The following BABAM2 variants were observed in gnomAD, a reference collection of about 807,000 sequenced individuals.
The protein encoded by BABAM2 is BRISC and BRCA1 A complex member 2, also known as BRISC and BRCA1-A complex member 2.
In BABAM2, 31 loss-of-function variants were observed where a neutral mutation model predicts 54.7. That is an observed-to-expected ratio of 0.57 (90% CI 0.43 to 0.77). BABAM2 has a LOEUF of 0.77. BABAM2 is among the 30% of genes least tolerant of loss of function. BABAM2 has a pLI of 0.00. For synonymous variants in BABAM2, 167 were observed against 162.9 expected, an observed-to-expected ratio of 1.03 and a Z score of -0.19; for missense variants, 364 against 455.8, an observed-to-expected ratio of 0.80 and a Z score of 1.83.
At chr2:27,924,507 C>T (rs150645046) in intron 2 of BABAM2, among the ~76,000 whole-genome samples, 1,814 of 152,196 alleles carry the variant, frequency 0.012, 12 homozygotes, top group Admixed American at 0.018. Context: ...TCCTCAGCCT[C>T]CCTAGTAGCT....
At chr2:27,934,272 T>C (rs927424043) in intron 3 of BABAM2, among the ~76,000 whole-genome samples, 1 of 152,210 alleles carries the variant, frequency 6.6e-6, no homozygotes, top group Non-Finnish European at 1.5e-5. Flanking sequence ...ACATACTTTT[T>C]CATTATTATT....
chr2:27,903,093 A>T (rs575331519), intron 2 of BABAM2, among the ~76,000 whole-genome samples: 1 of 115,174 alleles, frequency 8.7e-6, no homozygotes, highest in Non-Finnish European at 1.8e-5. Context: ...TGTCTCCCCC[A>T]CCCCCCCCAC....
At chr2:28,100,229 G>GA in intron 6 of BABAM2, among the ~76,000 whole-genome samples, 1 of 151,996 alleles carries the variant, frequency 6.6e-6, no homozygotes, top group Admixed American at 6.5e-5. Context: ...GGCGGGTGGG[G>GA]ATGCCAATCA....
chr2:27,963,599 G>A (rs964171455), intron 3 of BABAM2, among the ~76,000 whole-genome samples: 6 of 151,590 alleles, frequency 4.0e-5, no homozygotes, highest in African/African-American at 7.3e-5. Context: ...TTACATAGAA[G>A]CAAGTTATAC....
At chr2:28,112,148 TAC>T (rs1447951092) in intron 6 of BABAM2, among the ~76,000 whole-genome samples, 35,683 of 41,404 alleles carry the variant, frequency 0.86, 15,793 homozygotes, top group East Asian at 0.92. Context: ...TTTCTTTCTT[TAC>T]CTCCCTCCCT....
chr2:27,997,596 A>G (rs555962959), intron 4 of BABAM2, among the ~76,000 whole-genome samples: 241 of 152,326 alleles, frequency 1.6e-3, no homozygotes, highest in Non-Finnish European at 2.4e-3. Context: ...TACACATATA[A>G]TTTGAAAGCA....
rs1311848182 is a variant in BABAM2 at position 27,903,067 on chromosome 2, A to T, written c.128+8383A>T. On this transcript the variant is annotated intron_variant, in intron 2 of 11. Coordinates refer to ENST00000379624, the MANE Select transcript of BABAM2 (RefSeq NM_199191.3). ...GGAATTTATTTTTTCTGTAATATGG[A>T]GTGAGATAGAGATATTGTCTCCCCC... is the stretch of plus-strand genomic sequence containing the variant. Among the ~76,000 whole-genome samples, 5 of 151,998 alleles carry T rather than the reference A, an allele frequency of 3.3e-5. No individual in the cohort carries two copies. The East Asian group carries it at 9.7e-4, about 29-fold the overall frequency.
intron 2 of BABAM2, among the ~76,000 whole-genome samples, chr2:27,920,277 G>A (rs1285261134): frequency 6.6e-6 from 1 of 152,112 alleles, no homozygotes; most frequent in Middle Eastern, 3.2e-3. Context: ...TATAATTATA[G>A]CCCTTTCAAG....
upstream of BABAM2, chr2:27,890,417 C>T (rs1009188924): frequency 1.4e-6 from 2 of 1,434,502 alleles, no homozygotes; most frequent in African/African-American, 2.8e-5. The surrounding 1 kb of genome is among the most constrained non-coding windows in gnomAD (Gnocchi z 4.8). Flanking sequence ...CCAGAGACGC[C>T]ACTCCTGCCC....
intron 3 of BABAM2, among the ~76,000 whole-genome samples, chr2:27,943,022 C>T (rs1669041036): frequency 6.6e-6 from 1 of 151,936 alleles, no homozygotes; most frequent in Non-Finnish European, 1.5e-5. Context: ...AACTTCTGGG[C>T]TCAAGCTATC....
rs192995993 is a variant in BABAM2, at chr2:28,094,894, G to T, written c.571-34377G>T. 1.4e-3 allele frequency among the ~76,000 whole-genome samples: 207 copies of T among 144,454 alleles called. 2 individuals carry two copies. Among genetic ancestry groups the T allele is most frequent in the African/African-American group, 4.6e-3 (179 of 38,808 alleles). The allele number at this position is 144,454 out of a possible 152,430, so 94.8% of individuals were successfully genotyped here. On this transcript the variant is annotated intron_variant, in intron 6 of 11. Transcript: ENST00000379624. ...CTTGGCAATCTTTTCATACCACTAC[G>T]TAGCTCCCTCTTCTTTTTTTTTTTT...
intron 7 of BABAM2, among the ~76,000 whole-genome samples, chr2:28,144,926 T>C (rs983886296): frequency 6.6e-6 from 1 of 152,204 alleles, no homozygotes; most frequent in Non-Finnish European, 1.5e-5. Context: ...ACTAGTTCCT[T>C]GGAGGGGGCT....
chr2:28,184,157 C>A (rs1183035415), intron 7 of BABAM2, among the ~76,000 whole-genome samples: 1 of 151,868 alleles, frequency 6.6e-6, no homozygotes, highest in South Asian at 2.1e-4. Flanking sequence ...GATCCAGGAC[C>A]ATTGTGGCAT....
intron 3 of BABAM2, among the ~76,000 whole-genome samples, chr2:27,951,385 G>T (rs575390790): frequency 1.3e-5 from 2 of 151,502 alleles, no homozygotes; most frequent in Non-Finnish European, 2.9e-5. Flanking sequence ...GATTTTTTTT[G>T]ACCTATGAGT....
At chr2:27,921,185 T>A (rs988238244) in intron 2 of BABAM2, among the ~76,000 whole-genome samples, 1 of 152,120 alleles carries the variant, frequency 6.6e-6, no homozygotes, top group African/African-American at 2.4e-5. Flanking sequence ...CATTGTAGAG[T>A]CTGTGTCAAG....
At chr2:28,099,986 G>T (rs534276298) in intron 6 of BABAM2, among the ~76,000 whole-genome samples, 12 of 151,960 alleles carry the variant, frequency 7.9e-5, no homozygotes, top group African/African-American at 2.7e-4. Context: ...GAATTTTTCT[G>T]TCTTTTGTGT....
chr2:28,326,012 C>T (rs978850173), intron 11 of BABAM2, among the ~76,000 whole-genome samples: 5 of 152,240 alleles, frequency 3.3e-5, no homozygotes, highest in Non-Finnish European at 7.3e-5. Context: ...GATGCCTGAC[C>T]ATGCTGCGCA....
At chr2:28,199,633 AAGAGTTC>A (rs1381961857) in intron 7 of BABAM2, among the ~76,000 whole-genome samples, 5 of 152,176 alleles carry the variant, frequency 3.3e-5, no homozygotes, top group Admixed American at 3.3e-4. Flanking sequence ...AAGGCTGAAG[AAGAGTTC>A]AGGAGTCGTG....
chr2:28,242,958 T>G (rs976686025), intron 9 of BABAM2, among the ~76,000 whole-genome samples: 7 of 152,162 alleles, frequency 4.6e-5, no homozygotes, highest in Admixed American at 1.3e-4. Flanking sequence ...ATCTTTAGTA[T>G]ATATAATTAA....
Sources: gnomAD v4.1 joint callset for allele counts (sites outside exome capture counted in the v4.1 genomes callset) on GRCh38, gnomAD v4.1.1 for gene constraint, Gnocchi (gnomAD v3.1) non-coding constraint, MANE v1.5 for transcripts, NCBI Gene and HGNC (gene_info 2026-07-23, HGNC 2026-07-21) for gene names.